The following SLC24A2 variants were observed in gnomAD, a reference collection of about 807,000 sequenced individuals.
SLC24A2 encodes solute carrier family 24 member 2.
SLC24A2 carries 36 observed loss-of-function variants against 62.0 expected under a neutral mutation model. That is an observed-to-expected ratio of 0.58 (90% CI 0.44 to 0.77). The LOEUF (loss-of-function observed/expected upper bound fraction) is 0.77, where lower values mean the gene tolerates loss of function less well. SLC24A2 is among the 30% of genes least tolerant of loss of function. SLC24A2 has a pLI of 0.00. For missense variants in SLC24A2, 846 were observed against 817.9 expected (o/e 1.03, Z -0.42); for synonymous variants, 358 against 294.0 (o/e 1.22, Z -2.23).
chr9:20,251,278 C>T, the SLC24A2 span, among the ~76,000 whole-genome samples: 3 of 152,050 alleles, frequency 2.0e-5, no homozygotes, highest in African/African-American at 4.8e-5. Flanking sequence ...AGGTTTGTCC[C>T]CACCCACCCT....
the SLC24A2 span, among the ~76,000 whole-genome samples, chr9:19,800,774 C>T: frequency 6.6e-6 from 1 of 152,104 alleles, no homozygotes; most frequent in Non-Finnish European, 1.5e-5. Flanking sequence ...ATGTAATGGA[C>T]ATAATTATGC....
At chr9:19,523,080 G>T (rs1833275236) in intron 9 of SLC24A2, among the ~76,000 whole-genome samples, 1 of 152,230 alleles carries the variant, frequency 6.6e-6, no homozygotes, top group Non-Finnish European at 1.5e-5. Context: ...CTACTCGGGG[G>T]TTGAGGCACG....
At chr9:19,877,460 T>G in the SLC24A2 span, among the ~76,000 whole-genome samples, 3 of 150,984 alleles carry the variant, frequency 2.0e-5, no homozygotes, top group African/African-American at 4.9e-5. Flanking sequence ...TTGTGGCAAC[T>G]TCTTTGTGAT....
chr9:19,917,152 G>C, the SLC24A2 span, among the ~76,000 whole-genome samples: 1 of 150,216 alleles, frequency 6.7e-6, no homozygotes, highest in African/African-American at 2.4e-5. Flanking sequence ...ATTCACAAAG[G>C]GACCACAGAC....
intron 10 of SLC24A2, among the ~76,000 whole-genome samples, chr9:19,517,176 A>G (rs978699197): frequency 6.6e-6 from 1 of 152,186 alleles, no homozygotes; most frequent in African/African-American, 2.4e-5. Flanking sequence ...CCACTACACC[A>G]CAAGCATTGA....
At chr9:19,809,249 G>C in the SLC24A2 span, among the ~76,000 whole-genome samples, 1 of 152,090 alleles carries the variant, frequency 6.6e-6, no homozygotes, top group Admixed American at 6.6e-5. Flanking sequence ...ATCAACAGTG[G>C]ACTTAGAAAA....
chr9:20,208,065 G>A, the SLC24A2 span, among the ~76,000 whole-genome samples: 12 of 152,136 alleles, frequency 7.9e-5, no homozygotes, highest in Non-Finnish European at 7.3e-5. Context: ...ACACAAGTAA[G>A]TATGTAAGTG....
chr9:20,231,302 T>C, the SLC24A2 span, among the ~76,000 whole-genome samples: 1 of 152,230 alleles, frequency 6.6e-6, no homozygotes, highest in Non-Finnish European at 1.5e-5. Context: ...GGGATGGCAC[T>C]GAATCTATAA....
the SLC24A2 span, among the ~76,000 whole-genome samples, chr9:19,855,213 A>T: frequency 6.6e-6 from 1 of 152,296 alleles, no homozygotes; most frequent in Non-Finnish European, 1.5e-5. Flanking sequence ...TCTTGAATAC[A>T]GCGCACTGAT....
chr9:19,586,280 G>T (rs1836368133), intron 5 of SLC24A2, among the ~76,000 whole-genome samples: 1 of 152,162 alleles, frequency 6.6e-6, no homozygotes. Context: ...TAAGGATGCT[G>T]TTCTCCATCT....
the SLC24A2 span, among the ~76,000 whole-genome samples, chr9:20,256,311 G>A: frequency 3.9e-4 from 59 of 152,078 alleles, no homozygotes; most frequent in African/African-American, 1.3e-3. Flanking sequence ...ATGGTGTAGA[G>A]TGTGAGACCT....
At chr9:19,762,863 A>G (rs1437091415) in intron 2 of SLC24A2, among the ~76,000 whole-genome samples, 1 of 149,960 alleles carries the variant, frequency 6.7e-6, no homozygotes, top group Non-Finnish European at 1.5e-5. Context: ...AAGAAAGTCA[A>G]TGGTAGCTTG....
Position 19,614,353 on chromosome 9 carries a change from C to A in SLC24A2, c.1078+5231G>T, listed in dbSNP as rs111648163. 3.5e-3 allele frequency among the ~76,000 whole-genome samples: 534 copies of A among 152,260 alleles called. 4 individuals are homozygous for A. Among genetic ancestry groups the A allele is most frequent in the African/African-American group, 0.012 (485 of 41,556 alleles). The stretch of plus-strand genomic sequence containing the variant: ...CAATGTCCTGTTCAGAGTTTTGTGT[C>A]CCTGAAAAGGCACTGTTCAGCTATG... On this transcript the variant is annotated intron_variant, in intron 4 of 10. Transcript: ENST00000341998.
chr9:20,293,311 TAGGGTTGG>T, the SLC24A2 span, among the ~76,000 whole-genome samples: 1 of 152,086 alleles, frequency 6.6e-6, no homozygotes, highest in East Asian at 1.9e-4. Context: ...CCCAGAAAGG[TAGGGTTGG>T]CTCCCAAAGA....
chr9:19,898,671 G>C, the SLC24A2 span, among the ~76,000 whole-genome samples: 1 of 150,978 alleles, frequency 6.6e-6, no homozygotes, highest in Non-Finnish European at 1.5e-5. Context: ...GAACCCAGGA[G>C]GTGGAGCTTG....
At chr9:19,560,063 G>A (rs922974391) in intron 7 of SLC24A2, among the ~76,000 whole-genome samples, 2 of 152,150 alleles carry the variant, frequency 1.3e-5, no homozygotes, top group Non-Finnish European at 2.9e-5. Flanking sequence ...GGTGTGCTGT[G>A]AGTCACTTCC....
intron 2 of SLC24A2, among the ~76,000 whole-genome samples, chr9:19,662,812 T>G (rs141148962): frequency 3.3e-5 from 5 of 152,352 alleles, no homozygotes; most frequent in Middle Eastern, 3.4e-3. Context: ...TTATCAAAAT[T>G]TATGTTATAT....
intron 2 of SLC24A2, among the ~76,000 whole-genome samples, chr9:19,706,293 T>C (rs1296997354): frequency 6.6e-6 from 1 of 152,110 alleles, no homozygotes; most frequent in Non-Finnish European, 1.5e-5. Flanking sequence ...TTGGTAGATC[T>C]TTCTCCATCC....
chr9:20,123,248 T>A, the SLC24A2 span, among the ~76,000 whole-genome samples: 3 of 152,086 alleles, frequency 2.0e-5, no homozygotes, highest in Non-Finnish European at 4.4e-5. Context: ...AAAATCCCAA[T>A]TATGAAGGCT....
Sources: allele counts gnomAD v4.1 joint callset (sites outside exome capture counted in the v4.1 genomes callset), GRCh38; gene constraint gnomAD v4.1.1; transcripts MANE v1.5; gene names NCBI Gene and HGNC (gene_info 2026-07-23, HGNC 2026-07-21).